SLC25A41: variants seen among roughly 807,000 people sequenced by gnomAD.
The protein encoded by SLC25A41 is solute carrier family 25 member 41.
SLC25A41 carries 35 observed loss-of-function variants against 34.7 expected under a neutral mutation model. That is an observed-to-expected ratio of 1.01 (90% CI 0.77 to 1.34). The LOEUF (loss-of-function observed/expected upper bound fraction) is 1.34. Among genes scored for constraint, SLC25A41 ranks in the 40% most tolerant of loss-of-function variants. The pLI is 0.00. For synonymous variants in SLC25A41, 190 were observed against 209.9 expected, an observed-to-expected ratio of 0.91 and a Z score of 0.82; for missense variants, 492 against 489.8, an observed-to-expected ratio of 1.00 and a Z score of -0.04.
At chr19:6,430,862 G>A (rs1022909072) in intron 2 of SLC25A41, among the ~76,000 whole-genome samples, 9 of 151,978 alleles carry the variant, frequency 5.9e-5, no homozygotes, top group African/African-American at 1.7e-4. Flanking sequence ...TGCCCAGGCC[G>A]GAATGCAGTG....
At chr19:6,434,171 CTGACCTCA>C (rs1263700234), upstream of SLC25A41, among the ~76,000 whole-genome samples, 2 of 152,096 alleles carry the variant, frequency 1.3e-5, no homozygotes, top group African/African-American at 4.8e-5. Context: ...TCTCGATCTC[CTGACCTCA>C]TGATCTGCCC....
intron 2 of SLC25A41, chr19:6,430,617 A>G: frequency 3.2e-6 from 1 of 312,910 alleles, no homozygotes; most frequent in Non-Finnish European, 6.3e-6. Context: ...CCTCCCGAGT[A>G]GCTGGGATTA....
At position 6,427,048 on chromosome 19, in the gene SLC25A41, A is replaced by G; in HGVS notation, c.940+55T>C. 6.5e-7 allele frequency: 1 copy of G among 1,536,742 alleles called. No homozygotes were observed. Among genetic ancestry groups the G allele is most frequent in the Non-Finnish European group, 8.8e-7 (1 of 1,136,780 alleles). ...TTTTGGGGTATGAGAAAATTGAGAC[A>G]GCCAGGGTGGGGCGGGGAAGGGGCA... On this transcript the variant is annotated intron_variant, in intron 6 of 6. Transcript: ENST00000321510. The surrounding 1 kb of genome is among the most constrained non-coding windows in gnomAD (Gnocchi z 4.9).
intron 6 of SLC25A41, 27 bp from the exon 7 acceptor site, chr19:6,426,588 C>T (rs377497869): frequency 6.2e-7 from 1 of 1,605,652 alleles, no homozygotes; most frequent in East Asian, 2.2e-5. Flanking sequence ...AAGATCAGGA[C>T]TAGGCCAGAG....
At chr19:6,435,704 A>T (rs1599263615), upstream of SLC25A41, among the ~76,000 whole-genome samples, 1 of 152,090 alleles carries the variant, frequency 6.6e-6, no homozygotes, top group South Asian at 2.1e-4. Context: ...AAAATTTTTT[A>T]AAATTAGCCA....
rs534928586 is a variant in SLC25A41 at position 6,427,608 on chromosome 19, G to A, written c.625-107C>T. On this transcript the variant is annotated intron_variant, in intron 4 of 6. Coordinates refer to ENST00000321510, the MANE Select transcript of SLC25A41 (RefSeq NM_173637.4). The surrounding 1 kb of genome is among the most constrained non-coding windows in gnomAD (Gnocchi z 4.9). The stretch of plus-strand genomic sequence containing the variant: ...AAACAAGGAAAATGAGGCTCAGGAA[G>A]GCAAAGAGCTGGGTTTCAGACCCGG... 2 of 1,282,194 alleles carry A rather than the reference G, an allele frequency of 1.6e-6. No individual in the cohort carries two copies. The highest frequency in any genetic ancestry group is 3.0e-5 in the African/African-American group (2 of 65,638). 79.4% of individuals were successfully genotyped at this position (1,282,194 alleles called of 1,614,324 possible). A position where few individuals can be genotyped will look rare whatever the true frequency, so the allele number is the denominator to read the frequency against.
At position 6,430,062 on chromosome 19, in the gene SLC25A41, T is replaced by G. The variant is rs2092278025; in HGVS notation, c.463A>C (p.Asn155His). ...TACTCAGGAGCAATCTTGAGCACGT[T>G]GATGCCGTTGCCCCGCCACAGGGAG... ...FRSLWRGNGINVLKIAPEYAI... is the reference protein window; with the variant it reads ...FRSLWRGNGIHVLKIAPEYAI... The change falls in exon 3 of 7, where the codon AAC becomes CAC. Residue 155 changes from asparagine (N) to histidine (H), a missense_variant. Asn to His is a moderately conservative substitution (Grantham distance 68). Coordinates refer to ENST00000321510, the MANE Select transcript of SLC25A41 (RefSeq NM_173637.4). The G allele has an allele frequency of 6.2e-7, 1 of 1,612,194 alleles. No individual in the cohort carries two copies. Among genetic ancestry groups the G allele is most frequent in the Non-Finnish European group, 8.5e-7 (1 of 1,179,162 alleles).
chr19:6,426,497 G>C lies in SLC25A41; in HGVS notation c.1005C>G (p.Gly335=). The change falls in exon 7 of 7, where the codon GGC becomes GGG. Residue 335 remains glycine (G), a synonymous_variant. Transcript: ENST00000321510. ...TCATGCCTCGGTACAGCCCTAGCCA[G>C]CCCTGCTGGGCCAGGATCCGCTGGA... ...GVLQRILAQQ[G]WLGLYRGMTP... is the part of the protein sequence containing the mutation. 1 of 1,613,592 alleles carries C rather than the reference G, an allele frequency of 6.2e-7. No homozygotes were observed. Among genetic ancestry groups the C allele is most frequent in the Non-Finnish European group, 8.5e-7 (1 of 1,179,840 alleles).
In SLC25A41 at chr19:6,426,402, G is replaced by A. The variant is rs1202027835; in HGVS notation, c.1100C>T (p.Thr367Ile). 1.9e-6 allele frequency: 3 copies of A among 1,613,642 alleles called. No homozygotes were observed. The highest frequency in any genetic ancestry group is 2.2e-5 in the East Asian group (1 of 44,878). Residue 367 changes from threonine (T) to isoleucine (I), a missense_variant, in exon 7 of 7, where the codon ACC becomes ATC. By Grantham distance (89) the Thr-to-Ile change is moderately conservative. Coordinates refer to ENST00000321510, the MANE Select transcript of SLC25A41 (RefSeq NM_173637.4). ...SYVVYEAMKK[T>I]LGI ...CCAGCTCACAGCCTATATGCCCAGG[G>A]TTTTCTTCATGGCTTCGTACACCAC... is the stretch of plus-strand genomic sequence containing the variant.
In SLC25A41 at chr19:6,432,129, A is replaced by T; in HGVS notation, c.283T>A (p.Phe95Ile). The T allele has an allele frequency of 6.2e-7, 1 of 1,613,876 alleles. No individual in the cohort carries two copies. Among genetic ancestry groups the T allele is most frequent in the Non-Finnish European group, 8.5e-7 (1 of 1,179,858 alleles). Reference sequence around the variant, plus strand: ...CCGGCCATAGCTCCTGAGAGTAGAAACTTCCACAAGGCCTCCTTGTTATCC... The same window carrying T: ...CCGGCCATAGCTCCTGAGAGTAGAATCTTCCACAAGGCCTCCTTGTTATCC... ...EVDNKEALWK[F>I]LLSGAMAGAV... Residue 95 changes from phenylalanine (F) to isoleucine (I), a missense_variant, in exon 2 of 7, where the codon TTT becomes ATT. Coordinates refer to ENST00000321510, the MANE Select transcript of SLC25A41 (RefSeq NM_173637.4).
chr19:6,430,021 G>A lies in SLC25A41; in HGVS notation c.504C>T (p.Ser168=), dbSNP rs571451470. 2.0e-5 allele frequency: 32 copies of A among 1,612,224 alleles called. No individual in the cohort carries two copies. The highest frequency in any genetic ancestry group is 8.9e-5 in the East Asian group (4 of 44,854). Residue 168 remains serine, a synonymous_variant, in exon 3 of 7, where the codon TCC becomes TCT. Transcript: ENST00000321510. ...CCTCATTCCCCACCTGCTCGAATAC[G>A]GAGAACTTGATGGCATACTCAGGAG... ...KIAPEYAIKF[S]VFEQCKNYFC...
intron 1 of SLC25A41, 67 bp downstream of exon 1, chr19:6,433,420 G>T: frequency 6.7e-7 from 1 of 1,499,894 alleles, no homozygotes; most frequent in Non-Finnish European, 9.2e-7. Context: ...TAGAGGGCGT[G>T]GGTAGCCTGG....
chr19:6,434,090 T>C (rs1177495530), upstream of SLC25A41, among the ~76,000 whole-genome samples: 1 of 152,116 alleles, frequency 6.6e-6, no homozygotes, highest in Non-Finnish European at 1.5e-5. Flanking sequence ...ACTACAGGCA[T>C]CCGCCACCAC....
intron 1 of SLC25A41, 143 bp from the exon 2 acceptor site, chr19:6,432,347 C>T (rs1169546516): frequency 1.1e-6 from 1 of 889,550 alleles, no homozygotes; most frequent in Non-Finnish European, 1.7e-6. Context: ...GAGTCTTGCT[C>T]TGCTGCCCAG....
In SLC25A41 at chr19:6,427,459, T is replaced by C; in HGVS notation, c.667A>G (p.Lys223Glu). The C allele has an allele frequency of 3.8e-6, 6 of 1,587,566 alleles. No homozygotes were observed. Among genetic ancestry groups the C allele is most frequent in the Non-Finnish European group, 4.3e-6 (5 of 1,163,376 alleles). The change falls in exon 5 of 7, where the codon AAG becomes GAG. Residue 223 changes from lysine to glutamate, a missense_variant. Physicochemically the swap from Lys to Glu is moderately conservative, Grantham distance 56. Transcript: ENST00000321510. This position sits in a 1 kb window ranked among gnomAD's most constrained non-coding sequence, Gnocchi z 4.9. ...RLTLRRTGQY[K>E]GLLDCARQIL... ...TGCCTGGCGCAGTCCAGCAGCCCCTTGTACTGGCCCGTCCGACGCAAGGTC... is the reference window on the plus strand; with the variant it reads ...TGCCTGGCGCAGTCCAGCAGCCCCTCGTACTGGCCCGTCCGACGCAAGGTC...
intron 1 of SLC25A41, among the ~76,000 whole-genome samples, chr19:6,432,922 C>A (rs1020654234): frequency 2.0e-5 from 3 of 152,098 alleles, no homozygotes; most frequent in Non-Finnish European, 4.4e-5. Flanking sequence ...CCTGCCTCAG[C>A]CTCCCAAAGT....
chr19:6,430,473 C>T (rs1378576336), intron 2 of SLC25A41: 10 of 502,282 alleles, frequency 2.0e-5, no homozygotes, highest in Non-Finnish European at 2.5e-5. Context: ...CCCTCCCTTC[C>T]TCCGTTCCTC....
upstream of SLC25A41, chr19:6,433,920 G>C (rs2092296967): frequency 4.4e-6 from 2 of 451,856 alleles, no homozygotes; most frequent in Admixed American, 7.5e-5. Context: ...GTTATAAATT[G>C]AATTGTGTCC....
chr19:6,431,868 G>C (rs2092286788), intron 2 of SLC25A41, among the ~76,000 whole-genome samples, 181 bp downstream of exon 2: 1 of 151,950 alleles, frequency 6.6e-6, no homozygotes, highest in South Asian at 2.1e-4. Context: ...TCGACTCCAA[G>C]CCATGTCCAC....
Sources: gnomAD v4.1 joint callset for allele counts (sites outside exome capture counted in the v4.1 genomes callset) on GRCh38, gnomAD v4.1.1 for gene constraint, Gnocchi (gnomAD v3.1) non-coding constraint, MANE v1.5 for transcripts, NCBI Gene and HGNC (gene_info 2026-07-23, HGNC 2026-07-21) for gene names.